The following ABCB1 variants were observed in gnomAD, a reference collection of about 807,000 sequenced individuals.
ABCB1 encodes the protein ATP binding cassette subfamily B member 1.
Under a neutral mutation model 142.0 loss-of-function variants are expected in ABCB1, and 69 were observed. The observed-to-expected ratio is 0.49, with a 90% CI of 0.40 to 0.59. The LOEUF (loss-of-function observed/expected upper bound fraction) is 0.59, where lower values mean the gene tolerates loss of function less well. Among genes scored for constraint, ABCB1 ranks in the 20% least tolerant of loss-of-function variants. ABCB1 has a pLI of 0.00. For synonymous variants in ABCB1, 532 were observed against 539.2 expected, an observed-to-expected ratio of 0.99 and a Z score of 0.18; for missense variants, 1,326 against 1,554.7, an observed-to-expected ratio of 0.85 and a Z score of 2.47.
At position 87,542,575 on chromosome 7, in the gene ABCB1, T is replaced by C. The variant is rs370437988; in HGVS notation, c.2212-1111A>G. ...CCTGGGTCACTTACCTCCAGACTTA[T>C]TGTCATATGAAGAATGAGAAAAGTA... On this transcript the variant is annotated intron_variant, in intron 17 of 27. Coordinates refer to ENST00000622132, the MANE Select transcript of ABCB1 (RefSeq NM_001348946.2). Among the ~76,000 whole-genome samples, 31 of 152,332 alleles carry C rather than the reference T, an allele frequency of 2.0e-4. No individual in the cohort carries two copies. In the East Asian group the frequency reaches 4.6e-3, roughly 23 times the overall value.
intron 4 of ABCB1, among the ~76,000 whole-genome samples, chr7:87,574,536 C>T (rs1818194651): frequency 6.6e-6 from 1 of 152,174 alleles, no homozygotes; most frequent in Admixed American, 6.5e-5. Flanking sequence ...ACTCCCCCAT[C>T]CCCATCTTCA....
Position 87,549,450 on chromosome 7 carries a change from A to C in ABCB1, c.1623T>G (p.Ile541Met), listed in dbSNP as rs778869420. The C allele has an allele frequency of 1.2e-6, 2 of 1,614,078 alleles. No individual in the cohort carries two copies. Among genetic ancestry groups the C allele is most frequent in the African/African-American group, 2.7e-5 (2 of 74,932 alleles). The change falls in exon 14 of 28, where the codon ATT becomes ATG. Residue 541 changes from isoleucine (I) to methionine (M), a missense_variant. Physicochemically the swap from Ile to Met is conservative, Grantham distance 10. Coordinates refer to ENST00000622132, the MANE Select transcript of ABCB1 (RefSeq NM_001348946.2). ...LSGGQKQRIA[I>M]ARALVRNPKI... ...TGGGGTTGCGAACCAGGGCACGTGC[A>C]ATGGCGATCCTCTGCTTCTGCCCAC...
At chr7:87,551,197 A>AT (rs1310472916) in intron 9 of ABCB1, among the ~76,000 whole-genome samples, 3 of 151,402 alleles carry the variant, frequency 2.0e-5, no homozygotes, top group Non-Finnish European at 4.4e-5. Context: ...AATTTTTTTT[A>AT]TTTTTTCTAG....
chr7:87,573,840 C>T (rs958424656), intron 4 of ABCB1, among the ~76,000 whole-genome samples: 2 of 152,006 alleles, frequency 1.3e-5, no homozygotes, highest in Non-Finnish European at 2.9e-5. Context: ...AGAGCTGCTG[C>T]TGCATTAAAA....
intron 1 of ABCB1, among the ~76,000 whole-genome samples, chr7:87,619,367 C>T (rs756740156): frequency 1.0e-3 from 153 of 151,846 alleles, no homozygotes; most frequent in Middle Eastern, 3.2e-3. Context: ...GCCGAAACCC[C>T]GTCTCTACAA....
At chr7:87,635,682 C>T (rs1181426403) in intron 1 of ABCB1, among the ~76,000 whole-genome samples, 1 of 152,166 alleles carries the variant, frequency 6.6e-6, no homozygotes, top group African/African-American at 2.4e-5. Context: ...CAGCTCAATT[C>T]ATTTTTGTGG....
chr7:87,704,585 T>C (rs1033247304), intron 1 of ABCB1, among the ~76,000 whole-genome samples: 1 of 152,238 alleles, frequency 6.6e-6, no homozygotes, highest in African/African-American at 2.4e-5. Flanking sequence ...AACTAATCCC[T>C]GCACAGCAAT....
At chr7:87,612,687 T>C in intron 1 of ABCB1, among the ~76,000 whole-genome samples, 1 of 152,044 alleles carries the variant, frequency 6.6e-6, no homozygotes, top group South Asian at 2.1e-4. Context: ...TTTGAAGTTG[T>C]GTAATGTGAT....
chr7:87,511,869 T>G (rs989669763), intron 25 of ABCB1, among the ~76,000 whole-genome samples: 2 of 152,134 alleles, frequency 1.3e-5, no homozygotes, highest in African/African-American at 4.8e-5. Context: ...GGGTTCTGAC[T>G]GTTGTATATG....
intron 21 of ABCB1, chr7:87,522,179 G>A: frequency 2.1e-6 from 3 of 1,448,058 alleles, no homozygotes; most frequent in East Asian, 2.3e-5. Context: ...TATAGTGGCA[G>A]TGGGGATGGC....
Position 87,549,875 on chromosome 7 carries a change from A to G in ABCB1, c.1530T>C (p.Tyr510=). 2 of 1,614,250 alleles carry G rather than the reference A, an allele frequency of 1.2e-6. No individual in the cohort carries two copies. Among genetic ancestry groups the G allele is most frequent in the Non-Finnish European group, 1.7e-6 (2 of 1,180,048 alleles). ...IEKAVKEANA[Y]DFIMKLPHKF... ...CATGAGGCAGTTTCATGATAAAGTCATAGGCATTGGCTTCCTTGACAGCTT... is the reference window on the plus strand; with the variant it reads ...CATGAGGCAGTTTCATGATAAAGTCGTAGGCATTGGCTTCCTTGACAGCTT... The change falls in exon 13 of 28, where the codon TAT becomes TAC. Residue 510 remains tyrosine (Y), a synonymous_variant. Transcript: ENST00000622132.
At chr7:87,626,845 C>T (rs903648456) in intron 1 of ABCB1, among the ~76,000 whole-genome samples, 9 of 151,602 alleles carry the variant, frequency 5.9e-5, no homozygotes, top group South Asian at 2.1e-4. Context: ...GCGCAGTCTC[C>T]GCTCACTGCA....
At chr7:87,554,857 G>C (rs1021884724) in intron 8 of ABCB1, among the ~76,000 whole-genome samples, 14 of 152,124 alleles carry the variant, frequency 9.2e-5, no homozygotes, top group African/African-American at 3.1e-4. Context: ...ACCAAACCTG[G>C]TGAGGACCCA....
rs149959129 is a variant in ABCB1, at chr7:87,539,310, G to A, written c.2355C>T (p.Thr785=). ...GGAAAACCATGTATCGGAGCCGCTT[G>A]GTGAGGATCTCTCCAGCTTTGCCAA... The part of the protein sequence containing the change: ...FTFGKAGEIL[T]KRLRYMVFRS... Residue 785 remains threonine (T), a synonymous_variant, in exon 19 of 28, where the codon ACC becomes ACT. Coordinates refer to ENST00000622132, the MANE Select transcript of ABCB1 (RefSeq NM_001348946.2). The A allele has an allele frequency of 1.2e-4, 191 of 1,614,148 alleles. 1 individual carries two copies. In the African/African-American group the frequency reaches 2.4e-3, roughly 20 times the overall value.
intron 1 of ABCB1, chr7:87,700,442 A>C: frequency 1.2e-6 from 2 of 1,612,052 alleles, no homozygotes; most frequent in Non-Finnish European, 1.7e-6. Context: ...TGGTTTGGTT[A>C]TGAAAGTCCT....
chr7:87,682,367 A>G (rs1454091560), intron 1 of ABCB1, among the ~76,000 whole-genome samples: 1 of 152,190 alleles, frequency 6.6e-6, no homozygotes, highest in Non-Finnish European at 1.5e-5. Context: ...TTCTTGACGA[A>G]TCTTTTCCAG....
intron 14 of ABCB1, 26 bp downstream of exon 14, chr7:87,549,322 G>T (rs758722560): frequency 1.1e-5 from 17 of 1,613,888 alleles, no homozygotes; most frequent in Non-Finnish European, 1.4e-5. Flanking sequence ...TATAAATCAG[G>T]TTGGTTTGAA....
chr7:87,517,971 G>T (rs1815326204), intron 23 of ABCB1, among the ~76,000 whole-genome samples: 1 of 152,186 alleles, frequency 6.6e-6, no homozygotes, highest in Non-Finnish European at 1.5e-5. Context: ...AGGCCTACAA[G>T]TCTTGAAATA....
intron 1 of ABCB1, among the ~76,000 whole-genome samples, chr7:87,613,194 T>C (rs1819916510): frequency 6.7e-6 from 1 of 149,442 alleles, no homozygotes; most frequent in East Asian, 2.0e-4. Flanking sequence ...TTTCTAGGCA[T>C]AAGACCATAT....
Sources: gnomAD v4.1 joint callset for allele counts (sites outside exome capture counted in the v4.1 genomes callset) on GRCh38, gnomAD v4.1.1 for gene constraint, MANE v1.5 for transcripts, NCBI Gene and HGNC (gene_info 2026-07-23, HGNC 2026-07-21) for gene names.